The following NAALADL2 variants were observed in gnomAD, a reference collection of about 807,000 sequenced individuals.
NAALADL2 encodes the protein N-acetylated alpha-linked acidic dipeptidase like 2.
Under a neutral mutation model 87.2 loss-of-function variants are expected in NAALADL2, and 76 were observed. The observed-to-expected ratio is 0.87, with a 90% CI of 0.72 to 1.05. The LOEUF is 1.05. Ranked by LOEUF, NAALADL2 falls within the 50% of genes least tolerant of loss-of-function variation. The pLI, the probability that NAALADL2 is intolerant of heterozygous loss-of-function variation, is 0.00. For synonymous variants in NAALADL2, 354 were observed against 331.0 expected, an observed-to-expected ratio of 1.07 and a Z score of -0.75; for missense variants, 1,089 against 945.8, an observed-to-expected ratio of 1.15 and a Z score of -1.99.
chr3:175,084,161 G>C (rs1718413163), intron 1 of NAALADL2, among the ~76,000 whole-genome samples: 2 of 152,180 alleles, frequency 1.3e-5, no homozygotes, highest in South Asian at 4.1e-4. Flanking sequence ...AAAATAGCTT[G>C]AGTGGTGGTC....
At chr3:175,165,872 CTGAT>C (rs1288944029) in intron 2 of NAALADL2, among the ~76,000 whole-genome samples, 2 of 151,958 alleles carry the variant, frequency 1.3e-5, no homozygotes, top group African/African-American at 4.8e-5. Context: ...GCCCTTCACT[CTGAT>C]TGATCCACCC....
chr3:175,626,358 T>C (rs12489573), intron 10 of NAALADL2, among the ~76,000 whole-genome samples: 17,136 of 151,990 alleles, frequency 0.11, 1,215 homozygotes, highest in Non-Finnish European at 0.16. Flanking sequence ...TTATCTTAAA[T>C]ACAGTGAATA....
intron 11 of NAALADL2, among the ~76,000 whole-genome samples, chr3:175,680,911 G>A (rs534102661): frequency 2.0e-5 from 3 of 152,116 alleles, no homozygotes; most frequent in East Asian, 1.9e-4. Flanking sequence ...TGCGGAGATC[G>A]GCACAATCCT....
At chr3:175,802,127 C>A (rs1347002940) in intron 13 of NAALADL2, among the ~76,000 whole-genome samples, 1 of 142,342 alleles carries the variant, frequency 7.0e-6, no homozygotes, top group African/African-American at 2.9e-5. Context: ...ATTTCATTTG[C>A]AAATATTACA....
intron 5 of NAALADL2, among the ~76,000 whole-genome samples, chr3:175,361,910 G>C (rs1377817459): frequency 6.8e-6 from 1 of 147,964 alleles, no homozygotes; most frequent in Non-Finnish European, 1.5e-5. Flanking sequence ...TGTTGCCATT[G>C]CTTTTGGTGT....
At position 175,024,213 on chromosome 3, in the gene NAALADL2, C is replaced by G. The variant is rs73034412; in HGVS notation, c.44-72577C>G. Among the ~76,000 whole-genome samples, 425 of 152,064 alleles carry G rather than the reference C, an allele frequency of 2.8e-3. 3 individuals carry two copies. Among genetic ancestry groups the G allele is most frequent in the African/African-American group, 9.9e-3 (411 of 41,520 alleles). ...TATTATATTTATGTAATTATGTAAA[C>G]TAATATCATTAAAGTGGAACAATCT... On this transcript the variant is annotated intron_variant, in intron 1 of 13. Transcript: ENST00000454872.
intron 1 of NAALADL2, among the ~76,000 whole-genome samples, chr3:175,075,102 C>G (rs1377584694): frequency 6.6e-6 from 1 of 151,956 alleles, no homozygotes; most frequent in Admixed American, 6.6e-5. Context: ...TAGCAATAAC[C>G]CTATGAGCTG....
chr3:175,016,867 A>G (rs1159559547), intron 1 of NAALADL2, among the ~76,000 whole-genome samples: 1 of 151,996 alleles, frequency 6.6e-6, no homozygotes, highest in Non-Finnish European at 1.5e-5. Flanking sequence ...GTAATAATCA[A>G]TTCAGGGTGA....
At chr3:174,710,868 C>CT in intron 2 of NAALADL2, among the ~76,000 whole-genome samples, 1 of 152,150 alleles carries the variant, frequency 6.6e-6, no homozygotes, top group Non-Finnish European at 1.5e-5. Flanking sequence ...TGATTTCAGC[C>CT]TTGCTATTTA....
rs1739523937 is a variant in NAALADL2 at position 175,705,272 on chromosome 3, C to T, written c.1897-32034C>T. 2.0e-5 allele frequency among the ~76,000 whole-genome samples: 3 copies of T among 152,098 alleles called. No individual in the cohort carries two copies. The South Asian group carries it at 6.2e-4, about 31-fold the overall frequency. The stretch of plus-strand genomic sequence containing the variant: ...AAAAAACGACATAGGAAATAAACAG[C>T]AAGAGCTCAAAGTCAAGACCAGATC... On this transcript the variant is annotated intron_variant, in intron 11 of 13. Coordinates refer to ENST00000454872, the MANE Select transcript of NAALADL2 (RefSeq NM_207015.3).
At chr3:175,407,043 G>T (rs1038880519) in intron 5 of NAALADL2, among the ~76,000 whole-genome samples, 24 of 152,010 alleles carry the variant, frequency 1.6e-4, no homozygotes, top group African/African-American at 4.6e-4. Flanking sequence ...AATTAGCCAG[G>T]TGTAGTGGCA....
chr3:175,062,805 T>C (rs1286333085), intron 1 of NAALADL2, among the ~76,000 whole-genome samples: 2 of 152,082 alleles, frequency 1.3e-5, no homozygotes, highest in Non-Finnish European at 2.9e-5. Context: ...CAAACCCTAA[T>C]TGTATTTAGC....
At chr3:175,726,358 C>G (rs1307956137) in intron 11 of NAALADL2, among the ~76,000 whole-genome samples, 1 of 151,426 alleles carries the variant, frequency 6.6e-6, no homozygotes, top group Non-Finnish European at 1.5e-5. Flanking sequence ...AAATCCTAAA[C>G]TTTATCTTTG....
Position 175,132,519 on chromosome 3 carries a change from C to T in NAALADL2, c.545+35228C>T, listed in dbSNP as rs1485158132. On this transcript the variant is annotated intron_variant, in intron 2 of 13. Coordinates refer to ENST00000454872, the MANE Select transcript of NAALADL2 (RefSeq NM_207015.3). Reference sequence around the variant, plus strand: ...CCCAGTAGGGGCGGCCGGGCAGAGGCGCCCCTCACTCCCGGACGGGAAGAA... The same window carrying T: ...CCCAGTAGGGGCGGCCGGGCAGAGGTGCCCCTCACTCCCGGACGGGAAGAA... Among the ~76,000 whole-genome samples, 8 of 816 alleles carry T rather than the reference C, an allele frequency of 9.8e-3. 4 individuals carry two copies. Among genetic ancestry groups the T allele is most frequent in the Non-Finnish European group, 0.018 (8 of 436 alleles). 0.5% of individuals were successfully genotyped at this position (816 alleles called of 152,430 possible). A position where few individuals can be genotyped will look rare whatever the true frequency, so the allele number is the denominator to read the frequency against.
intron 12 of NAALADL2, among the ~76,000 whole-genome samples, chr3:175,743,707 G>A (rs549737843): frequency 1.3e-5 from 2 of 152,290 alleles, no homozygotes; most frequent in South Asian, 2.1e-4. Flanking sequence ...TAGTGAGATC[G>A]AAGAATTGAC....
chr3:175,767,228 A>G (rs1196954773), intron 13 of NAALADL2, among the ~76,000 whole-genome samples: 1 of 152,212 alleles, frequency 6.6e-6, no homozygotes, highest in Non-Finnish European at 1.5e-5. Flanking sequence ...AAATAGGTCT[A>G]TAAATATATA....
intron 1 of NAALADL2, among the ~76,000 whole-genome samples, chr3:174,862,831 G>A (rs543291491): frequency 2.1e-4 from 32 of 152,192 alleles, no homozygotes; most frequent in Non-Finnish European, 2.8e-4. Flanking sequence ...TGTTTTGAGC[G>A]TTTCTAATAA....
At chr3:175,138,653 T>C (rs865855279) in intron 2 of NAALADL2, among the ~76,000 whole-genome samples, 73 of 148,916 alleles carry the variant, frequency 4.9e-4, no homozygotes, top group African/African-American at 1.7e-3. Flanking sequence ...TTAGAGATGG[T>C]ATCTCTCTAT....
intron 4 of NAALADL2, among the ~76,000 whole-genome samples, chr3:175,318,251 T>C (rs1759399663): frequency 6.6e-6 from 1 of 152,112 alleles, no homozygotes; most frequent in Non-Finnish European, 1.5e-5. Flanking sequence ...CAGAGTAGCA[T>C]TTATGATGTG....
Sources: gnomAD v4.1 joint callset for allele counts (sites outside exome capture counted in the v4.1 genomes callset) on GRCh38, gnomAD v4.1.1 for gene constraint, MANE v1.5 for transcripts, NCBI Gene and HGNC (gene_info 2026-07-23, HGNC 2026-07-21) for gene names.